HCFC2: variants seen among roughly 807,000 people sequenced by gnomAD.
HCFC2 encodes host cell factor C2, also known as host cell factor 2.
A neutral mutation model predicts 89.2 loss-of-function variants in HCFC2; 18 were observed. The observed-to-expected ratio is 0.20, with a 90% CI of 0.14 to 0.30. HCFC2 has a LOEUF of 0.30. Ranked by LOEUF, HCFC2 falls within the 10% of genes least tolerant of loss-of-function variation. HCFC2 has a pLI of 1.00. For synonymous variants in HCFC2, 308 were observed against 335.7 expected (o/e 0.92, Z 0.90); for missense variants, 578 against 956.1 (o/e 0.60, Z 5.21).
chr12:104,099,310 C>T (rs1884271847), intron 13 of HCFC2, among the ~76,000 whole-genome samples: 1 of 152,146 alleles, frequency 6.6e-6, no homozygotes, highest in Admixed American at 6.5e-5. Flanking sequence ...CCCATCAGGT[C>T]CTACCTCCAA....
chr12:104,099,284 T>C (rs1392899276), intron 13 of HCFC2, among the ~76,000 whole-genome samples: 4 of 152,142 alleles, frequency 2.6e-5, no homozygotes, highest in Non-Finnish European at 5.9e-5. Context: ...ACTCTGCCCC[T>C]ACGATCCAAT....
intron 12 of HCFC2, among the ~76,000 whole-genome samples, chr12:104,096,650 A>G (rs937774581): frequency 8.5e-5 from 13 of 152,358 alleles, no homozygotes; most frequent in African/African-American, 3.1e-4. Flanking sequence ...TCCCAATTTT[A>G]TTAAAAAATA....
In HCFC2 at chr12:104,082,764, A is replaced by C. The variant is rs1883722234; in HGVS notation, c.926A>C (p.Asn309Thr). The change falls in exon 7 of 15, where the codon AAT becomes ACT. Residue 309 changes from asparagine (N) to threonine (T), a missense_variant. By Grantham distance (65) the Asn-to-Thr change is moderately conservative. Transcript: ENST00000229330. ...TCAGATTCTCAGGAAGATAAAAAAA[A>C]TTCAAGACCAAGACCAAGAGCTGGC... ...LVSDSQEDKK[N>T]SRPRPRAGHC... 1 of 1,613,896 alleles carries C rather than the reference A, an allele frequency of 6.2e-7. No homozygotes were observed. Among genetic ancestry groups the C allele is most frequent in the Non-Finnish European group, 8.5e-7 (1 of 1,179,948 alleles).
At position 104,096,368 on chromosome 12, in the gene HCFC2, A is replaced by G; in HGVS notation, c.1675A>G (p.Thr559Ala). 6.3e-7 allele frequency: 1 copy of G among 1,590,714 alleles called. No individual in the cohort carries two copies. Among genetic ancestry groups the G allele is most frequent in the Middle Eastern group, 1.7e-4 (1 of 5,968 alleles). Reference protein sequence around the residue: ...TFSTKSEVDETYALPATKISR... With the variant: ...TFSTKSEVDEAYALPATKISR... ...AATTGTTTAATTTTTAGTTGATGAA[A>G]CATATGCACTGCCTGCAACGAAGAT... The change falls in exon 12 of 15, where the codon ACA becomes GCA. Residue 559 changes from threonine (T) to alanine (A), a missense_variant. Around this residue, in one of 4 missense-constraint regions of HCFC2, gnomAD observed 210 missense variants for 251.7 expected, o/e 0.83. Transcript: ENST00000229330.
At chr12:104,076,219 A>C (rs1314929320) in intron 3 of HCFC2, among the ~76,000 whole-genome samples, 1 of 152,128 alleles carries the variant, frequency 6.6e-6, no homozygotes, top group African/African-American at 2.4e-5. Context: ...AGGCTCAAGT[A>C]ATCTTCCCAC....
At chr12:104,066,434 GTATTATTCAAGTAAAC>G (rs151057990) in intron 2 of HCFC2, 119 bp downstream of exon 2, 53,463 of 682,736 alleles carry the variant, frequency 0.078, 3,031 homozygotes, top group East Asian at 0.19. Flanking sequence ...TTCAAGTAAT[GTATTATTCAAGTAAAC>G]TATTATTCAA....
intron 5 of HCFC2, among the ~76,000 whole-genome samples, chr12:104,081,671 A>T (rs1593599232): frequency 6.6e-6 from 1 of 151,332 alleles, no homozygotes; most frequent in Non-Finnish European, 1.5e-5. Flanking sequence ...AATCTTATAC[A>T]TTTTTTTAAC....
Position 104,105,084 on chromosome 12 carries a change from A to C in HCFC2, c.*1811A>C, listed in dbSNP as rs915194747. ...TGTAATCATTTGTCTAGCTTCTGTAATGTATCTGATATAGGCTAAACAAAT... is the reference window on the plus strand; with the variant it reads ...TGTAATCATTTGTCTAGCTTCTGTACTGTATCTGATATAGGCTAAACAAAT... On this transcript the variant is annotated 3_prime_UTR_variant, in exon 15 of 15. Transcript: ENST00000229330. 13 of 152,032 alleles carry C rather than the reference A, an allele frequency of 8.6e-5. No homozygotes were observed. Among genetic ancestry groups the C allele is most frequent in the South Asian group, 6.2e-4 (3 of 4,834 alleles). 9.4% of individuals were successfully genotyped at this position (152,032 alleles called of 1,614,324 possible). A position where few individuals can be genotyped will look rare whatever the true frequency, so the allele number is the denominator to read the frequency against.
intron 2 of HCFC2, among the ~76,000 whole-genome samples, chr12:104,066,820 C>T (rs1489153706): frequency 6.6e-6 from 1 of 152,212 alleles, no homozygotes; most frequent in Non-Finnish European, 1.5e-5. Context: ...CAGAGTCTTG[C>T]TCTGTCACCC....
chr12:104,094,822 T>C (rs571848197), intron 10 of HCFC2, among the ~76,000 whole-genome samples: 1 of 152,174 alleles, frequency 6.6e-6, no homozygotes, highest in Admixed American at 6.5e-5. Flanking sequence ...GACCAAAACC[T>C]ACTGACAAAG....
intron 9 of HCFC2, among the ~76,000 whole-genome samples, chr12:104,088,419 C>G (rs547251779): frequency 6.6e-6 from 1 of 152,318 alleles, no homozygotes; most frequent in Non-Finnish European, 1.5e-5. Flanking sequence ...AAACAAACAT[C>G]TAAAGATGTA....
intron 1 of HCFC2, chr12:104,065,144 G>A (rs1348521435): frequency 6.5e-6 from 1 of 154,988 alleles, no homozygotes; most frequent in Non-Finnish European, 1.4e-5. Flanking sequence ...TTAGGAGGAA[G>A]ACCATCTAGG....
At chr12:104,079,363 T>TAA (rs1190204732) in intron 3 of HCFC2, 82 bp from the exon 4 acceptor site, 56 of 1,155,414 alleles carry the variant, frequency 4.8e-5, no homozygotes, top group Middle Eastern at 2.9e-4. Context: ...AGTAAGCACA[T>TAA]TTTATCTTTA....
At chr12:104,098,543 C>A in intron 13 of HCFC2, 63 bp downstream of exon 13, 10 of 1,440,164 alleles carry the variant, frequency 6.9e-6, no homozygotes, top group South Asian at 4.3e-5. Context: ...TTTTTCTCTA[C>A]CAATAACTTA....
intron 9 of HCFC2, among the ~76,000 whole-genome samples, chr12:104,088,662 G>A (rs920662633): frequency 5.3e-5 from 8 of 152,092 alleles, no homozygotes; most frequent in Non-Finnish European, 1.0e-4. Context: ...TGGCTCATAC[G>A]TTCTGAGTAT....
intron 8 of HCFC2, among the ~76,000 whole-genome samples, chr12:104,087,215 A>G (rs1883879277): frequency 1.3e-5 from 2 of 151,828 alleles, no homozygotes; most frequent in Non-Finnish European, 2.9e-5. Context: ...ATTAGCGGGT[A>G]TGGTGGTGCA....
In HCFC2 at chr12:104,098,402, T is replaced by C. The variant is rs1311980506; in HGVS notation, c.1800T>C (p.Asp600=). 1.2e-6 allele frequency: 2 copies of C among 1,613,076 alleles called. No individual in the cohort carries two copies. Among genetic ancestry groups the C allele is most frequent in the Non-Finnish European group, 1.7e-6 (2 of 1,179,714 alleles). Residue 600 remains aspartate (D), a synonymous_variant, in exon 13 of 15, where the codon GAT becomes GAC. Transcript: ENST00000229330. ...TVKAGERQWC[D]VGIFKNNTAL... ...AAGCGGGAGAACGACAATGGTGTGA[T>C]GTGGGAATTTTTAAAAATAATACAG...
chr12:104,101,779 A>G (rs952852682), intron 13 of HCFC2, among the ~76,000 whole-genome samples, 189 bp from the exon 14 acceptor site: 2 of 152,160 alleles, frequency 1.3e-5, no homozygotes, highest in African/African-American at 4.8e-5. Context: ...GCACAGATTT[A>G]TGGACTTAGT....
At chr12:104,082,954 T>A in intron 7 of HCFC2, 53 bp downstream of exon 7, 4 of 1,331,852 alleles carry the variant, frequency 3.0e-6, no homozygotes, top group Non-Finnish European at 3.1e-6. Flanking sequence ...AGCACTCAAA[T>A]GTCTGCCTTT....
Sources: allele counts gnomAD v4.1 joint callset (sites outside exome capture counted in the v4.1 genomes callset), GRCh38; gene constraint gnomAD v4.1.1; regional missense constraint gnomAD v4.1.1; transcripts MANE v1.5; gene names NCBI Gene and HGNC (gene_info 2026-07-23, HGNC 2026-07-21).